Variants in MARCHF5 observed in about 807,000 individuals in gnomAD.
MARCHF5 encodes the protein E3 ubiquitin-protein ligase MARCHF5.
A neutral mutation model predicts 36.5 loss-of-function variants in MARCHF5; 5 were observed. The observed-to-expected ratio is 0.14, with a 90% confidence interval of 0.07 to 0.29. The LOEUF is 0.29. Among genes scored for constraint, MARCHF5 ranks in the 10% least tolerant of loss-of-function variants. The pLI is 1.00. For missense variants in MARCHF5, 179 were observed against 336.3 expected (o/e 0.53, Z 3.66); for synonymous variants, 103 against 109.9 (o/e 0.94, Z 0.39).
At chr10:92,349,168 C>A (rs929133849) in intron 3 of MARCHF5, among the ~76,000 whole-genome samples, 181 bp from the exon 4 acceptor site, 1 of 151,960 alleles carries the variant, frequency 6.6e-6, no homozygotes, top group Admixed American at 6.6e-5. Context: ...TTTGTTTTTC[C>A]CTTGAATGAG....
intron 1 of MARCHF5, among the ~76,000 whole-genome samples, chr10:92,294,943 G>A (rs1231505820): frequency 6.6e-6 from 1 of 152,162 alleles, no homozygotes; most frequent in Non-Finnish European, 1.5e-5. Flanking sequence ...GGAAGCTGAG[G>A]TGGAAGGATT....
Position 92,291,427 on chromosome 10 carries a change from C to T in MARCHF5, c.-68C>T. ...CGGCCTACTCCGCCGCCTCTCAGTG[C>T]TATTGTCCCTGGGCCTGGCCTTGAG... On this transcript the variant is annotated 5_prime_UTR_variant, in exon 1 of 6. Transcript: ENST00000358935. 1 of 1,366,422 alleles carries T rather than the reference C, an allele frequency of 7.3e-7. No homozygotes were observed. The highest frequency in any genetic ancestry group is 1.0e-6 in the Non-Finnish European group (1 of 980,562). The allele number at this position is 1,366,422 out of a possible 1,614,324, so 84.6% of individuals were successfully genotyped here.
At chr10:92,313,351 T>C (rs1843168563) in intron 2 of MARCHF5, among the ~76,000 whole-genome samples, 1 of 152,048 alleles carries the variant, frequency 6.6e-6, no homozygotes, top group Admixed American at 6.6e-5. Context: ...ACACCTGTAA[T>C]CCCAGCACTT....
At chr10:92,325,828 C>T (rs559591813) in intron 2 of MARCHF5, among the ~76,000 whole-genome samples, 18 of 152,228 alleles carry the variant, frequency 1.2e-4, no homozygotes, top group Admixed American at 5.9e-4. Flanking sequence ...CAGGTGTGCA[C>T]CACCACACCT....
At chr10:92,320,829 T>C (rs1843281448) in intron 2 of MARCHF5, among the ~76,000 whole-genome samples, 2 of 152,068 alleles carry the variant, frequency 1.3e-5, no homozygotes, top group African/African-American at 4.8e-5. Context: ...AAGTGTACAA[T>C]GTGTATAAAG....
chr10:92,328,822 T>TA (rs1491512830), intron 2 of MARCHF5, among the ~76,000 whole-genome samples: 4,018 of 52,484 alleles, frequency 0.077, 57 homozygotes, highest in African/African-American at 0.091. Flanking sequence ...TATATATATA[T>TA]TTTTTTTTTT....
At chr10:92,307,570 A>T (rs2771251) in intron 1 of MARCHF5, among the ~76,000 whole-genome samples, 148,545 of 150,548 alleles carry the variant, frequency 0.99, 73,319 homozygotes, top group Middle Eastern at 1. Context: ...TAAAAAAAAA[A>T]TTTTTTTTTA....
intron 1 of MARCHF5, among the ~76,000 whole-genome samples, chr10:92,301,470 C>G (rs1843010874): frequency 6.6e-6 from 1 of 152,358 alleles, no homozygotes; most frequent in Non-Finnish European, 1.5e-5. Flanking sequence ...CCATGCCTCT[C>G]TGCTTACTGT....
chr10:92,333,172 A>G (rs1564951386), intron 2 of MARCHF5, among the ~76,000 whole-genome samples: 2 of 151,764 alleles, frequency 1.3e-5, no homozygotes, highest in African/African-American at 4.8e-5. Context: ...CCAAAAGAAA[A>G]AAAAAAAAAG....
chr10:92,333,503 C>T, intron 2 of MARCHF5: 1 of 232,660 alleles, frequency 4.3e-6, no homozygotes, highest in African/African-American at 2.3e-5. Context: ...AGACATGGCC[C>T]TTGCCCCCTG....
At position 92,297,484 on chromosome 10, in the gene MARCHF5, T is replaced by C. The variant is rs911777501; in HGVS notation, c.35+5955T>C. ...TGTTCCACCACATCCAGCTTTCAAC[T>C]TTTTTTTTTTTTTTTTTTTTTTGAG... On this transcript the variant is annotated intron_variant, in intron 1 of 5. Transcript: ENST00000358935. Among the ~76,000 whole-genome samples the C allele has an allele frequency of 4.8e-5, 6 of 123,776 alleles. No individual in the cohort carries two copies. The South Asian group carries it at 7.9e-4, about 16-fold the overall frequency. The allele number at this position is 123,776 out of a possible 152,430, so 81.2% of individuals were successfully genotyped here. A position where few individuals can be genotyped will look rare whatever the true frequency, so the allele number is the denominator to read the frequency against.
chr10:92,333,340 G>A (rs1242691197), intron 2 of MARCHF5, among the ~76,000 whole-genome samples: 1 of 151,938 alleles, frequency 6.6e-6, no homozygotes, highest in Non-Finnish European at 1.5e-5. Flanking sequence ...TTGTAGAAAA[G>A]GCCAAAGTGC....
At chr10:92,307,197 G>T (rs2135182888) in intron 1 of MARCHF5, among the ~76,000 whole-genome samples, 1 of 99,574 alleles carries the variant, frequency 1.0e-5, no homozygotes, top group Admixed American at 1.3e-4. Context: ...GTGTGTGTGT[G>T]TGTGTGTGTG....
intron 3 of MARCHF5, among the ~76,000 whole-genome samples, chr10:92,343,982 A>T (rs919640113): frequency 3.9e-5 from 6 of 152,250 alleles, no homozygotes; most frequent in Non-Finnish European, 7.3e-5. Context: ...CTTAGAGCAG[A>T]TTATACATTA....
At chr10:92,324,490 T>C (rs945951726) in intron 2 of MARCHF5, among the ~76,000 whole-genome samples, 1 of 152,116 alleles carries the variant, frequency 6.6e-6, no homozygotes, top group African/African-American at 2.4e-5. Context: ...GCCCCCCGAA[T>C]AGCTGGGACT....
chr10:92,291,409 C>T lies in MARCHF5; in HGVS notation c.-86C>T, dbSNP rs1265722166. On this transcript the variant is annotated 5_prime_UTR_variant, in exon 1 of 6. Coordinates refer to ENST00000358935, the MANE Select transcript of MARCHF5 (RefSeq NM_017824.5). The stretch of plus-strand genomic sequence containing the variant: ...GCGGCTGCCGCCGGACTGCGGCCTA[C>T]TCCGCCGCCTCTCAGTGCTATTGTC... 2.4e-6 allele frequency: 3 copies of T among 1,238,452 alleles called. No individual in the cohort carries two copies. Among genetic ancestry groups the T allele is most frequent in the Non-Finnish European group, 3.5e-6 (3 of 867,550 alleles). The allele number at this position is 1,238,452 out of a possible 1,614,324, so 76.7% of individuals were successfully genotyped here. A position where few individuals can be genotyped will look rare whatever the true frequency, so the allele number is the denominator to read the frequency against.
chr10:92,291,236 C>A lies in MARCHF5; in HGVS notation c.-259C>A. On this transcript the variant is annotated 5_prime_UTR_variant, in exon 1 of 6. Coordinates refer to ENST00000358935, the MANE Select transcript of MARCHF5 (RefSeq NM_017824.5). ...CGGTCCATGGACCGGAACCTCGGGC[C>A]GACGGACGGGAACCCGGGCCGCGAT... is the stretch of plus-strand genomic sequence containing the variant. 1.9e-6 allele frequency: 1 copy of A among 536,812 alleles called. No individual in the cohort carries two copies. The highest frequency in any genetic ancestry group is 3.2e-6 in the Non-Finnish European group (1 of 308,330). The allele number at this position is 536,812 out of a possible 1,614,324, so 33.3% of individuals were successfully genotyped here.
At chr10:92,302,070 T>A (rs1171547799) in intron 1 of MARCHF5, among the ~76,000 whole-genome samples, 1 of 151,794 alleles carries the variant, frequency 6.6e-6, no homozygotes, top group Non-Finnish European at 1.5e-5. Context: ...AAAAAAAAAA[T>A]ACCTAATGCA....
At chr10:92,294,105 T>A (rs1365922285) in intron 1 of MARCHF5, among the ~76,000 whole-genome samples, 1 of 152,166 alleles carries the variant, frequency 6.6e-6, no homozygotes, top group Non-Finnish European at 1.5e-5. Context: ...ATTTTAAAGC[T>A]TTTTAAATGT....
Sources: allele counts gnomAD v4.1 joint callset (sites outside exome capture counted in the v4.1 genomes callset), GRCh38; gene constraint gnomAD v4.1.1; transcripts MANE v1.5; gene names NCBI Gene and HGNC (gene_info 2026-07-23, HGNC 2026-07-21).